ROBO1: variants seen among roughly 807,000 people sequenced by gnomAD.
The protein encoded by ROBO1 is roundabout homolog 1.
A neutral mutation model predicts 195.9 loss-of-function variants in ROBO1; 149 were observed. The observed-to-expected ratio is 0.76, with a 90% CI of 0.67 to 0.87. The LOEUF is 0.87. Among genes scored for constraint, ROBO1 ranks in the 40% least tolerant of loss-of-function variants. ROBO1 has a pLI of 0.00. For missense variants in ROBO1, 1,933 were observed against 2,068.3 expected (o/e 0.93, Z 1.27); for synonymous variants, 816 against 733.2 (o/e 1.11, Z -1.82).
intron 15 of ROBO1, among the ~76,000 whole-genome samples, chr3:78,661,572 G>A (rs2107669627): frequency 6.6e-6 from 1 of 152,236 alleles, no homozygotes; most frequent in Non-Finnish European, 1.5e-5. Context: ...GCAGAAATGT[G>A]AGGCCTGATG....
intron 2 of ROBO1, among the ~76,000 whole-genome samples, chr3:79,276,452 T>C (rs1035789353): frequency 3.3e-5 from 5 of 152,022 alleles, no homozygotes; most frequent in African/African-American, 1.2e-4. Context: ...TCTCTCACTA[T>C]ATACAAAAAT....
At chr3:79,133,375 G>A (rs2108589526) in intron 2 of ROBO1, among the ~76,000 whole-genome samples, 1 of 120,458 alleles carries the variant, frequency 8.3e-6, no homozygotes, top group East Asian at 2.8e-4. Context: ...TGGAGGCTTT[G>A]CTCATTTCTT....
intron 3 of ROBO1, among the ~76,000 whole-genome samples, chr3:78,978,257 G>A (rs553826382): frequency 2.0e-5 from 3 of 152,036 alleles, no homozygotes; most frequent in African/African-American, 7.2e-5. Flanking sequence ...AGGTAGTGGG[G>A]GGATGGAGAA....
At chr3:79,659,320 C>T (rs1946260787) in intron 1 of ROBO1, among the ~76,000 whole-genome samples, 1 of 152,022 alleles carries the variant, frequency 6.6e-6, no homozygotes, top group South Asian at 2.1e-4. Context: ...AGCCATTTAA[C>T]TCTTGACTAA....
At chr3:78,786,585 G>T (rs1442012700) in intron 4 of ROBO1, among the ~76,000 whole-genome samples, 1 of 152,072 alleles carries the variant, frequency 6.6e-6, no homozygotes, top group Non-Finnish European at 1.5e-5. Flanking sequence ...CCGGTAGGAG[G>T]TAATTACATC....
intron 2 of ROBO1, among the ~76,000 whole-genome samples, chr3:79,514,259 C>T (rs1421217397): frequency 6.6e-6 from 1 of 152,098 alleles, no homozygotes; most frequent in Non-Finnish European, 1.5e-5. Flanking sequence ...TTATTTGGGG[C>T]CTCAATTCCA....
chr3:79,470,712 A>G (rs1938227232), intron 2 of ROBO1, among the ~76,000 whole-genome samples: 6 of 152,132 alleles, frequency 3.9e-5, no homozygotes, highest in Admixed American at 2.0e-4. Flanking sequence ...TATAAGTGGT[A>G]AAAGAGAGCT....
rs556310296 is a variant in ROBO1 at position 79,463,978 on chromosome 3, C to T, written c.88+125846G>A. Among the ~76,000 whole-genome samples the T allele has an allele frequency of 3.3e-5, 5 of 152,258 alleles. No homozygotes were observed. The East Asian group carries it at 9.7e-4, about 29-fold the overall frequency. ...CCTAAGCAGCCAGTCATCTCCTTTCCATCTCTATAGATTTGCCTTTTCCGA... is the reference window on the plus strand; with the variant it reads ...CCTAAGCAGCCAGTCATCTCCTTTCTATCTCTATAGATTTGCCTTTTCCGA... On this transcript the variant is annotated intron_variant, in intron 2 of 30. Coordinates refer to ENST00000464233, the MANE Select transcript of ROBO1 (RefSeq NM_002941.4).
intron 2 of ROBO1, among the ~76,000 whole-genome samples, chr3:79,393,287 A>G (rs576188156): frequency 4.6e-5 from 7 of 152,288 alleles, no homozygotes; most frequent in Non-Finnish European, 5.9e-5. Flanking sequence ...TAATTTTAGC[A>G]ATCTCCTACT....
At chr3:78,871,742 C>CAAAAAAA (rs71127366) in intron 4 of ROBO1, among the ~76,000 whole-genome samples, 41 of 111,318 alleles carry the variant, frequency 3.7e-4, no homozygotes, top group East Asian at 8.5e-4. Context: ...GCTTTCACAG[C>CAAAAAAA]AAAAAAAAAA....
rs1392405012 is a variant in ROBO1 at position 79,015,718 on chromosome 3, TCA to T, written c.173-76793_173-76792del. ...AAGGAATAACCACTTTTTATAAATCTCAGTTTCATTGAATGAAAGGTTATTTT... is the reference window on the plus strand; with the variant it reads ...AAGGAATAACCACTTTTTATAAATCTGTTTCATTGAATGAAAGGTTATTTT... On this transcript the variant is annotated intron_variant, in intron 3 of 30. Transcript: ENST00000464233. Among the ~76,000 whole-genome samples, 3 of 152,242 alleles carry T rather than the reference TCA, an allele frequency of 2.0e-5. No individual in the cohort carries two copies. In the East Asian group the frequency reaches 5.8e-4, roughly 29 times the overall value.
chr3:79,468,977 T>A (rs1022272960), intron 2 of ROBO1, among the ~76,000 whole-genome samples: 3 of 152,182 alleles, frequency 2.0e-5, no homozygotes, highest in African/African-American at 7.2e-5. Context: ...AGATTATGCA[T>A]GCAAATTTCA....
chr3:79,117,485 T>C (rs112556522), intron 3 of ROBO1, among the ~76,000 whole-genome samples: 10 of 152,314 alleles, frequency 6.6e-5, no homozygotes, highest in African/African-American at 2.4e-4. Context: ...GGGACATCTC[T>C]TGGCCTCAGG....
chr3:78,817,974 C>T (rs750952073), intron 4 of ROBO1, among the ~76,000 whole-genome samples: 5 of 152,016 alleles, frequency 3.3e-5, no homozygotes, highest in Non-Finnish European at 7.3e-5. Context: ...GACATTAGTC[C>T]CCACTGGTTA....
intron 2 of ROBO1, among the ~76,000 whole-genome samples, chr3:79,255,300 A>G (rs2082810214): frequency 1.3e-5 from 2 of 152,158 alleles, no homozygotes; most frequent in Non-Finnish European, 2.9e-5. Context: ...AACTGAAATG[A>G]GCTCTTATTG....
At position 79,193,017 on chromosome 3, in the gene ROBO1, C is replaced by T. The variant is rs188725559; in HGVS notation, c.89-67478G>A. Among the ~76,000 whole-genome samples, 48 of 151,602 alleles carry T rather than the reference C, an allele frequency of 3.2e-4. 1 individual carries two copies. Among genetic ancestry groups the T allele is most frequent in the Admixed American group, 2.6e-3 (40 of 15,152 alleles). On this transcript the variant is annotated intron_variant, in intron 2 of 30. Transcript: ENST00000464233. ...GGTTACATGTGGAAAGTGAGAGAAACGAAGTTTTAAGAATGATTACAGTGT... is the reference window on the plus strand; with the variant it reads ...GGTTACATGTGGAAAGTGAGAGAAATGAAGTTTTAAGAATGATTACAGTGT...
At chr3:79,529,328 C>CA (rs890179764) in intron 2 of ROBO1, among the ~76,000 whole-genome samples, 11 of 151,680 alleles carry the variant, frequency 7.3e-5, no homozygotes, top group Non-Finnish European at 1.0e-4. Context: ...AAAAATTAAA[C>CA]AAAAAAAATT....
At chr3:79,640,894 A>G (rs1945639601) in intron 1 of ROBO1, among the ~76,000 whole-genome samples, 1 of 152,174 alleles carries the variant, frequency 6.6e-6, no homozygotes. Context: ...TTCCCCCAGG[A>G]TACAATCTCA....
intron 3 of ROBO1, among the ~76,000 whole-genome samples, chr3:79,078,981 GAAA>G (rs2079222616): frequency 6.6e-6 from 1 of 151,708 alleles, no homozygotes; most frequent in Non-Finnish European, 1.5e-5. Flanking sequence ...CTTTAAGATA[GAAA>G]TCATCTTAGA....
Sources: gnomAD v4.1 joint callset for allele counts (sites outside exome capture counted in the v4.1 genomes callset) on GRCh38, gnomAD v4.1.1 for gene constraint, MANE v1.5 for transcripts, NCBI Gene and HGNC (gene_info 2026-07-23, HGNC 2026-07-21) for gene names.